The following TMEM74 variants were observed in gnomAD, a reference collection of about 807,000 sequenced individuals.
TMEM74 encodes the protein transmembrane protein 74.
TMEM74 carries 13 observed loss-of-function variants against 18.1 expected under a neutral mutation model. The ratio of observed to expected loss-of-function variants is 0.72; its 90% CI spans 0.47 to 1.14. The LOEUF (loss-of-function observed/expected upper bound fraction) is 1.14. Among genes scored for constraint, TMEM74 ranks in the 50% most tolerant of loss-of-function variants. TMEM74 has a pLI of 0.00. For missense variants in TMEM74, 372 were observed against 375.9 expected (o/e 0.99, Z 0.09); for synonymous variants, 159 against 146.6 (o/e 1.08, Z -0.61).
intron 1 of TMEM74, among the ~76,000 whole-genome samples, chr8:108,767,266 G>T (rs912474057): frequency 6.6e-6 from 1 of 152,110 alleles, no homozygotes; most frequent in Non-Finnish European, 1.5e-5. Context: ...CAGCAATTTT[G>T]TCAGAAGCTT....
intron 1 of TMEM74, among the ~76,000 whole-genome samples, chr8:108,692,665 T>C (rs948316049): frequency 6.6e-6 from 1 of 152,156 alleles, no homozygotes; most frequent in African/African-American, 2.4e-5. Context: ...ATGTTAAAAC[T>C]GAGCTTATAA....
intron 2 of TMEM74, among the ~76,000 whole-genome samples, chr8:108,634,088 C>T (rs1812581909): frequency 6.6e-6 from 1 of 151,874 alleles, no homozygotes; most frequent in Non-Finnish European, 1.5e-5. Context: ...CTGACATTTC[C>T]CATGGGCATC....
At chr8:108,705,872 A>T (rs988740157) in intron 1 of TMEM74, among the ~76,000 whole-genome samples, 2 of 152,242 alleles carry the variant, frequency 1.3e-5, no homozygotes, top group Non-Finnish European at 2.9e-5. Context: ...TTCTAATTAG[A>T]CACCTGCTGC....
At chr8:108,640,156 G>A (rs570184578) in intron 2 of TMEM74, among the ~76,000 whole-genome samples, 4 of 135,650 alleles carry the variant, frequency 2.9e-5, no homozygotes, top group South Asian at 4.6e-4. Context: ...GACGGAGTCC[G>A]GAGTCTTGCT....
chr8:108,692,152 A>T (rs182691245), intron 1 of TMEM74, among the ~76,000 whole-genome samples: 2 of 152,334 alleles, frequency 1.3e-5, no homozygotes, highest in Non-Finnish European at 2.9e-5. Flanking sequence ...ATTTTTGTGC[A>T]TGTGTATGTA....
intron 1 of TMEM74, among the ~76,000 whole-genome samples, chr8:108,697,576 C>G (rs1017903704): frequency 6.6e-6 from 1 of 152,030 alleles, no homozygotes; most frequent in Non-Finnish European, 1.5e-5. Flanking sequence ...TGCCACCACA[C>G]CTGGATAATT....
chr8:108,691,223 T>A (rs575308304), intron 1 of TMEM74, among the ~76,000 whole-genome samples: 6 of 152,274 alleles, frequency 3.9e-5, no homozygotes, highest in Non-Finnish European at 5.9e-5. Context: ...AAGGATGTGA[T>A]CTCTTTGGTT....
chr8:108,610,043 C>T (rs1812319722), intron 2 of TMEM74, among the ~76,000 whole-genome samples: 1 of 152,158 alleles, frequency 6.6e-6, no homozygotes, highest in Non-Finnish European at 1.5e-5. Context: ...TTAAGTACCA[C>T]CTGAAAAGAT....
At chr8:108,765,045 T>C (rs1026229321) in intron 1 of TMEM74, among the ~76,000 whole-genome samples, 1 of 152,102 alleles carries the variant, frequency 6.6e-6, no homozygotes, top group African/African-American at 2.4e-5. Flanking sequence ...ATCAAGTCAA[T>C]GTGGTTATCA....
At chr8:108,763,259 T>C (rs992617562) in intron 1 of TMEM74, among the ~76,000 whole-genome samples, 2 of 151,734 alleles carry the variant, frequency 1.3e-5, no homozygotes, top group African/African-American at 4.8e-5. Flanking sequence ...GTAGATGTTG[T>C]GAGTCAGACA....
chr8:108,614,035 G>GTTTTTT (rs11393201), intron 2 of TMEM74, among the ~76,000 whole-genome samples: 1 of 137,104 alleles, frequency 7.3e-6, no homozygotes, highest in Non-Finnish European at 1.6e-5. Flanking sequence ...TTTTCATAAG[G>GTTTTTT]TTTTTTTTTT....
intron 1 of TMEM74, among the ~76,000 whole-genome samples, chr8:108,754,763 T>A (rs1813940149): frequency 1.3e-5 from 2 of 151,652 alleles, no homozygotes; most frequent in South Asian, 4.2e-4. Flanking sequence ...ATCCACCATC[T>A]CAAGCTGAAG....
intron 1 of TMEM74, among the ~76,000 whole-genome samples, chr8:108,785,768 C>T (rs1398151137): frequency 6.6e-6 from 1 of 152,170 alleles, no homozygotes; most frequent in Non-Finnish European, 1.5e-5. Context: ...TAAGCTTACA[C>T]CTCATACATC....
At chr8:108,609,124 C>T (rs1329980753) in intron 2 of TMEM74, among the ~76,000 whole-genome samples, 1 of 152,098 alleles carries the variant, frequency 6.6e-6, no homozygotes. Flanking sequence ...TCATTGGAGA[C>T]AAAGAGTTAT....
At chr8:108,667,142 A>G (rs1312513312) in intron 1 of TMEM74, among the ~76,000 whole-genome samples, 1 of 152,172 alleles carries the variant, frequency 6.6e-6, no homozygotes. Context: ...CCAGGGTCAC[A>G]GTGGCTGTAA....
intron 1 of TMEM74, among the ~76,000 whole-genome samples, chr8:108,728,853 T>C (rs10111090): frequency 0.054 from 8,253 of 152,280 alleles, 605 homozygotes; most frequent in African/African-American, 0.17. Context: ...TAAGAAGCCA[T>C]GTGTTTTTCT....
downstream of TMEM74, among the ~76,000 whole-genome samples, chr8:108,776,089 G>A (rs1302760266): frequency 6.6e-6 from 1 of 152,194 alleles, no homozygotes; most frequent in African/African-American, 2.4e-5. Context: ...TCTCTTGTCA[G>A]AGTGCTTATT....
chr8:108,650,409 A>G (rs1429370754), intron 2 of TMEM74, among the ~76,000 whole-genome samples: 1 of 152,172 alleles, frequency 6.6e-6, no homozygotes. Context: ...TTTCTGTCCC[A>G]AACTATCTAT....
chr8:108,613,824 G>A (rs1398020350), intron 2 of TMEM74, among the ~76,000 whole-genome samples: 3 of 152,124 alleles, frequency 2.0e-5, no homozygotes, highest in Admixed American at 6.5e-5. Flanking sequence ...CTAATGAGGA[G>A]TATAAACTAC....
Sources: allele counts gnomAD v4.1 joint callset (sites outside exome capture counted in the v4.1 genomes callset), GRCh38; gene constraint gnomAD v4.1.1; transcripts MANE v1.5; gene names NCBI Gene and HGNC (gene_info 2026-07-23, HGNC 2026-07-21).